Variants in SPINK5 observed in about 807,000 individuals in gnomAD.
SPINK5 encodes the protein serine protease inhibitor Kazal-type 5.
SPINK5 carries 125 observed loss-of-function variants against 151.8 expected under a neutral mutation model. The observed-to-expected ratio is 0.82, with a 90% CI of 0.71 to 0.96. The LOEUF (loss-of-function observed/expected upper bound fraction) is 0.96. Ranked by LOEUF, SPINK5 falls within the 40% of genes least tolerant of loss-of-function variation. The pLI, the probability that SPINK5 is intolerant of heterozygous loss-of-function variation, is 0.00. For missense variants in SPINK5, 1,194 were observed against 1,291.9 expected, an observed-to-expected ratio of 0.92 and a Z score of 1.16; for synonymous variants, 374 against 395.3, an observed-to-expected ratio of 0.95 and a Z score of 0.64.
At chr5:148,132,543 T>C (rs1754600169) in intron 31 of SPINK5, among the ~76,000 whole-genome samples, 1 of 152,160 alleles carries the variant, frequency 6.6e-6, no homozygotes, top group Admixed American at 6.5e-5. Context: ...TGCTATGGAA[T>C]GTTATTATCT....
chr5:148,128,433 T>C (rs72660262), intron 30 of SPINK5, among the ~76,000 whole-genome samples: 16,336 of 152,184 alleles, frequency 0.11, 1,132 homozygotes, highest in East Asian at 0.31. Context: ...TCTTTCATTA[T>C]TCATTTTTTT....
intron 26 of SPINK5, among the ~76,000 whole-genome samples, chr5:148,122,177 TTAATGAA>T (rs2113203052): frequency 6.6e-6 from 1 of 152,232 alleles, no homozygotes; most frequent in Admixed American, 6.5e-5. Flanking sequence ...CTACACATAA[TTAATGAA>T]TAGAAGAGCC....
chr5:148,118,548 A>G lies in SPINK5; in HGVS notation c.2224A>G (p.Met742Val). ...CAAATCGTACAACAATCAGTGTACC[A>G]TGTGTAAAGCAAAATTGTAAGTATT... is the stretch of plus-strand genomic sequence containing the variant. ...DGKSYNNQCT[M>V]CKAKLEREAE... The change falls in exon 23 of 33, where the codon ATG becomes GTG. Residue 742 changes from methionine (M) to valine (V), a missense_variant. Physicochemically the swap from Met to Val is conservative, Grantham distance 21. Transcript: ENST00000256084. The G allele has an allele frequency of 1.2e-6, 2 of 1,614,190 alleles. No homozygotes were observed. Among genetic ancestry groups the G allele is most frequent in the East Asian group, 2.2e-5 (1 of 44,880 alleles).
Position 148,121,143 on chromosome 5 carries a change from C to CAGAA in SPINK5, c.2538+753_2538+754insGAAA, listed in dbSNP as rs1554106525. Among the ~76,000 whole-genome samples the CAGAA allele has an allele frequency of 3.4e-3, 235 of 68,444 alleles. 7 individuals are homozygous for CAGAA. The highest frequency in any genetic ancestry group is 4.4e-3 in the Non-Finnish European group (187 of 42,100). The allele number at this position is 68,444 out of a possible 152,430, so 44.9% of individuals were successfully genotyped here. On this transcript the variant is annotated intron_variant, in intron 26 of 32. Coordinates refer to ENST00000256084, the MANE Select transcript of SPINK5 (RefSeq NM_006846.4). ...TGGGCGACAGAGCAAGACTCTGTCTCAAAAAAAAAAAAAAAAAAAAAAAAG... is the reference window on the plus strand; with the variant it reads ...TGGGCGACAGAGCAAGACTCTGTCTCAGAAAAAAAAAAAAAAAAAAAAAAAAAAG...
intron 18 of SPINK5, among the ~76,000 whole-genome samples, chr5:148,109,841 A>G (rs1862440): frequency 0.15 from 22,291 of 152,146 alleles, 2,160 homozygotes; most frequent in East Asian, 0.32. Context: ...CCTCACTCAA[A>G]GTAAAAATCA....
chr5:148,104,206 A>G (rs1168755706), intron 15 of SPINK5, among the ~76,000 whole-genome samples: 1 of 152,126 alleles, frequency 6.6e-6, no homozygotes, highest in Non-Finnish European at 1.5e-5. Context: ...TATTCCTCCT[A>G]AACACACACT....
intron 19 of SPINK5, among the ~76,000 whole-genome samples, chr5:148,112,192 T>A (rs769764069): frequency 6.6e-6 from 1 of 152,184 alleles, no homozygotes; most frequent in Non-Finnish European, 1.5e-5. Flanking sequence ...CAAGCATAGG[T>A]CACTGTCAAA....
intron 11 of SPINK5, 79 bp downstream of exon 11, chr5:148,098,073 G>A: frequency 1.5e-6 from 2 of 1,378,986 alleles, no homozygotes; most frequent in African/African-American, 1.4e-5. Flanking sequence ...TTTCATAGAT[G>A]GGGAGACTGT....
In SPINK5 at chr5:148,124,852, G is replaced by T. The variant is rs759075467; in HGVS notation, c.2739+15G>T. 1.3e-6 allele frequency: 2 copies of T among 1,576,858 alleles called. No homozygotes were observed. Among genetic ancestry groups the T allele is most frequent in the African/African-American group, 1.4e-5 (1 of 73,168 alleles). On this transcript the variant is annotated intron_variant, in intron 28 of 32. Transcript: ENST00000256084. The stretch of plus-strand genomic sequence containing the variant: ...ATAATGCAAAGGTTATTTATTAAAG[G>T]ATACCAAAATAACCATTTTACTTTT...
intron 15 of SPINK5, among the ~76,000 whole-genome samples, chr5:148,102,916 G>A (rs981109823): frequency 2.0e-5 from 3 of 151,982 alleles, no homozygotes; most frequent in East Asian, 1.9e-4. Context: ...CCTAAAATAG[G>A]TCTTTAGGAT....
Position 148,124,257 on chromosome 5 carries a change from A to C in SPINK5, c.2666+297A>C, listed in dbSNP as rs1422993. Among the ~76,000 whole-genome samples, 119,564 of 152,136 alleles carry C rather than the reference A, an allele frequency of 0.79. 47,027 individuals are homozygous for C. Among genetic ancestry groups the C allele is most frequent in the East Asian group, 0.91 (4,729 of 5,170 alleles). Reference sequence around the variant, plus strand: ...GTTCCTCCTGAGGGAAAAATGACTGAACAATATAGTTTTGTGGAGATTCAA... The same window carrying C: ...GTTCCTCCTGAGGGAAAAATGACTGCACAATATAGTTTTGTGGAGATTCAA... On this transcript the variant is annotated intron_variant, in intron 27 of 32. Coordinates refer to ENST00000256084, the MANE Select transcript of SPINK5 (RefSeq NM_006846.4).
At position 148,100,566 on chromosome 5, in the gene SPINK5, T is replaced by C. The variant is rs1753612608; in HGVS notation, c.1205T>C (p.Met402Thr). Residue 402 changes from methionine to threonine, a missense_variant, in exon 13 of 33, where the codon ATG (methionine) becomes ACG (threonine). By Grantham distance (81) the Met-to-Thr change is moderately conservative (BLOSUM62 -1). Coordinates refer to ENST00000256084, the MANE Select transcript of SPINK5 (RefSeq NM_006846.4). ...AAAGTGCATGGCAACACCTGCTCCA[T>C]GTGTGAGGTCTTCTTGTGAGTAGCC... ...DGKVHGNTCS[M>T]CEVFFQAEEE... 1 of 1,613,092 alleles carries C rather than the reference T, an allele frequency of 6.2e-7. No homozygotes were observed. Among genetic ancestry groups the C allele is most frequent in the South Asian group, 1.1e-5 (1 of 91,060 alleles).
intron 2 of SPINK5, among the ~76,000 whole-genome samples, chr5:148,068,578 A>AAAAAAG (rs1554101972): frequency 2.7e-5 from 2 of 74,352 alleles, no homozygotes; most frequent in Admixed American, 1.9e-4. Context: ...AAAAAAAAAA[A>AAAAAAG]AAAGAAAGAA....
intron 31 of SPINK5, among the ~76,000 whole-genome samples, chr5:148,133,503 G>A (rs567316931): frequency 1.2e-4 from 18 of 152,180 alleles, no homozygotes; most frequent in African/African-American, 3.6e-4. Flanking sequence ...CTATAAATGC[G>A]AGATCACCTT....
chr5:148,119,015 A>G lies in SPINK5; in HGVS notation c.2270A>G (p.Tyr757Cys). Reference protein sequence around the residue: ...LEREAERKNEYSRSRSNGTGS... With the variant: ...LEREAERKNECSRSRSNGTGS... ...AGAGAAGCAGAGAGAAAAAATGAGT[A>G]TTCTCGCTCCAGATCAAATGGGACT... The change falls in exon 24 of 33, where the codon TAT (tyrosine) becomes TGT (cysteine). Residue 757 changes from tyrosine (Y) to cysteine (C), a missense_variant. Tyr to Cys is a radical substitution (Grantham distance 194, BLOSUM62 -2). Transcript: ENST00000256084. 6.2e-7 allele frequency: 1 copy of G among 1,614,096 alleles called. No individual in the cohort carries two copies. Among genetic ancestry groups the G allele is most frequent in the East Asian group, 2.2e-5 (1 of 44,856 alleles).
At chr5:148,116,867 G>A (rs955505349) in intron 22 of SPINK5, among the ~76,000 whole-genome samples, 1 of 152,212 alleles carries the variant, frequency 6.6e-6, no homozygotes, top group African/African-American at 2.4e-5. Context: ...AAAGAGCACA[G>A]GCTTTGGAGT....
chr5:148,067,804 A>G (rs192464437), intron 2 of SPINK5, among the ~76,000 whole-genome samples: 230 of 152,218 alleles, frequency 1.5e-3, no homozygotes, highest in African/African-American at 5.3e-3. Context: ...AAGTAGAGAC[A>G]AGGTCTCATT....
At position 148,110,816 on chromosome 5, in the gene SPINK5, T is replaced by C. The variant is rs186964220; in HGVS notation, c.1693-952T>C. Among the ~76,000 whole-genome samples the C allele has an allele frequency of 1.6e-3, 236 of 151,602 alleles. 6 individuals carry two copies. Among genetic ancestry groups the C allele is most frequent in the Admixed American group, 0.016 (236 of 15,212 alleles). On this transcript the variant is annotated intron_variant, in intron 18 of 32. Transcript: ENST00000256084. ...CAAATATCTAATGCATGCAAATATC[T>C]AATATTATTAGCCCCCTCATGCAAA...
chr5:148,094,508 G>A (rs1561684755), intron 9 of SPINK5, 27 bp downstream of exon 9: 1 of 1,611,450 alleles, frequency 6.2e-7, no homozygotes, highest in Non-Finnish European at 8.5e-7. Flanking sequence ...TTTTTTCAGA[G>A]TGATTCAAAG....
Sources: allele counts gnomAD v4.1 joint callset (sites outside exome capture counted in the v4.1 genomes callset), GRCh38; gene constraint gnomAD v4.1.1; transcripts MANE v1.5; gene names NCBI Gene and HGNC (gene_info 2026-07-23, HGNC 2026-07-21).